The following NPAS3 variants were observed in gnomAD, a reference collection of about 807,000 sequenced individuals.
NPAS3 encodes the protein neuronal PAS domain protein 3, also known as neuronal PAS domain-containing protein 3.
NPAS3 carries 14 observed loss-of-function variants against 73.1 expected under a neutral mutation model. The observed-to-expected ratio is 0.19, with a 90% confidence interval of 0.13 to 0.30. The LOEUF (loss-of-function observed/expected upper bound fraction) is 0.30, where lower values mean the gene tolerates loss of function less well. NPAS3 is among the 10% of genes least tolerant of loss of function. The pLI, the probability that NPAS3 is intolerant of heterozygous loss-of-function variation, is 1.00. For synonymous variants in NPAS3, 620 were observed against 541.5 expected (o/e 1.14, Z -2.01); for missense variants, 1,096 against 1,250.0 (o/e 0.88, Z 1.86).
At chr14:33,693,647 G>A (rs982028537) in intron 6 of NPAS3, among the ~76,000 whole-genome samples, 10 of 152,268 alleles carry the variant, frequency 6.6e-5, no homozygotes, top group African/African-American at 2.4e-4. Context: ...TTGCCAAAGA[G>A]CTGCACTCTG....
chr14:33,141,974 T>C (rs1220435343), intron 2 of NPAS3, among the ~76,000 whole-genome samples: 3 of 152,212 alleles, frequency 2.0e-5, no homozygotes, highest in African/African-American at 7.2e-5. Flanking sequence ...TAAAAATTAG[T>C]ATTCCATTGA....
chr14:33,298,774 A>G (rs1380283618), intron 3 of NPAS3, among the ~76,000 whole-genome samples: 3 of 152,232 alleles, frequency 2.0e-5, no homozygotes, highest in Non-Finnish European at 1.5e-5. Context: ...CACGTAAATA[A>G]CAAAGGCAAT....
At chr14:33,437,781 A>G (rs1295671949) in intron 4 of NPAS3, among the ~76,000 whole-genome samples, 2 of 152,226 alleles carry the variant, frequency 1.3e-5, no homozygotes, top group African/African-American at 4.8e-5. Flanking sequence ...TTACAGAAGT[A>G]ATGACCACAG....
chr14:33,791,197 G>A (rs2063348927), intron 9 of NPAS3, among the ~76,000 whole-genome samples: 2 of 152,118 alleles, frequency 1.3e-5, no homozygotes, highest in South Asian at 2.1e-4. Flanking sequence ...GTGGGCTCCC[G>A]AACCTGCTTT....
intron 3 of NPAS3, among the ~76,000 whole-genome samples, chr14:33,339,569 A>G (rs1286964181): frequency 2.0e-5 from 3 of 152,232 alleles, no homozygotes; most frequent in Admixed American, 6.5e-5. Context: ...TGACTAGTTT[A>G]TAGTGGTTGA....
At chr14:33,635,667 A>G (rs1038457125) in intron 5 of NPAS3, among the ~76,000 whole-genome samples, 3 of 152,170 alleles carry the variant, frequency 2.0e-5, no homozygotes, top group African/African-American at 7.2e-5. Context: ...TATCAGACAT[A>G]GTCCAGATGT....
chr14:33,145,241 G>A (rs1426263327), intron 2 of NPAS3, among the ~76,000 whole-genome samples: 5 of 152,028 alleles, frequency 3.3e-5, no homozygotes, highest in Non-Finnish European at 5.9e-5. Flanking sequence ...TTTTCTTTTG[G>A]CATTTAGGAA....
At chr14:33,616,533 C>T (rs1306482776) in intron 5 of NPAS3, among the ~76,000 whole-genome samples, 1 of 152,126 alleles carries the variant, frequency 6.6e-6, no homozygotes, top group Admixed American at 6.5e-5. Flanking sequence ...CCCTGTTCTT[C>T]CTGACCTCAC....
chr14:33,136,080 A>G (rs142160319), intron 2 of NPAS3, among the ~76,000 whole-genome samples: 3,096 of 89,408 alleles, frequency 0.035, 56 homozygotes, highest in Middle Eastern at 0.1. Context: ...TTTTTTTTTG[A>G]GACAGAGTCT....
chr14:33,529,996 G>A (rs1050555850), intron 4 of NPAS3, among the ~76,000 whole-genome samples: 1 of 152,154 alleles, frequency 6.6e-6, no homozygotes, highest in Non-Finnish European at 1.5e-5. Context: ...TCGGTGAACA[G>A]GCCTTGGAAC....
At chr14:33,677,109 CTAGTTCATCAAGCTGT>C (rs1434307748) in intron 6 of NPAS3, among the ~76,000 whole-genome samples, 1 of 152,178 alleles carries the variant, frequency 6.6e-6, no homozygotes, top group Non-Finnish European at 1.5e-5. Flanking sequence ...CATCAGTCCC[CTAGTTCATCAAGCTGT>C]TCAAACACGG....
chr14:33,659,725 C>G (rs1437548262), intron 5 of NPAS3, among the ~76,000 whole-genome samples: 1 of 151,854 alleles, frequency 6.6e-6, no homozygotes, highest in African/African-American at 2.4e-5. Flanking sequence ...TCTATTTCAT[C>G]TAAGGAAGCA....
chr14:33,763,947 G>T (rs960874855), intron 7 of NPAS3, among the ~76,000 whole-genome samples: 1 of 151,780 alleles, frequency 6.6e-6, no homozygotes, highest in African/African-American at 2.4e-5. Context: ...CCTTTAAGGG[G>T]ATGGCTTCTT....
intron 5 of NPAS3, among the ~76,000 whole-genome samples, chr14:33,590,514 G>C (rs987252552): frequency 6.6e-6 from 1 of 152,132 alleles, no homozygotes; most frequent in Non-Finnish European, 1.5e-5. Context: ...GATAATAAAG[G>C]TGTCAAGACC....
intron 4 of NPAS3, among the ~76,000 whole-genome samples, chr14:33,395,397 A>T (rs1467312840): frequency 7.6e-6 from 1 of 131,088 alleles, no homozygotes; most frequent in Non-Finnish European, 1.6e-5. Flanking sequence ...TTACTACATC[A>T]TAGTTCAAGT....
chr14:33,434,816 A>G (rs1051144963), intron 4 of NPAS3, among the ~76,000 whole-genome samples: 2 of 152,170 alleles, frequency 1.3e-5, no homozygotes, highest in African/African-American at 4.8e-5. Context: ...CGGATCATTC[A>G]CTCTTCTAGC....
chr14:33,212,208 A>G, intron 2 of NPAS3, among the ~76,000 whole-genome samples: 1 of 152,176 alleles, frequency 6.6e-6, no homozygotes, highest in Non-Finnish European at 1.5e-5. Context: ...CCAGCATCTC[A>G]ACAACCTTTA....
chr14:33,327,487 G>A (rs765653421), intron 3 of NPAS3, among the ~76,000 whole-genome samples: 2 of 152,138 alleles, frequency 1.3e-5, no homozygotes, highest in Admixed American at 1.3e-4. Flanking sequence ...CACAGGAAGT[G>A]GTCTGTTCCT....
At chr14:33,489,086 G>A (rs1195915559) in intron 4 of NPAS3, among the ~76,000 whole-genome samples, 1 of 152,138 alleles carries the variant, frequency 6.6e-6, no homozygotes, top group African/African-American at 2.4e-5. Flanking sequence ...GAGACAGTGA[G>A]GGTTTTGGTT....
Sources: allele counts gnomAD v4.1 joint callset (sites outside exome capture counted in the v4.1 genomes callset), GRCh38; gene constraint gnomAD v4.1.1; transcripts MANE v1.5; gene names NCBI Gene and HGNC (gene_info 2026-07-23, HGNC 2026-07-21).